PEG3: variants seen among roughly 807,000 people sequenced by gnomAD.
PEG3 encodes the protein paternally expressed 3.
PEG3 carries 23 observed loss-of-function variants against 35.5 expected under a neutral mutation model. The observed-to-expected ratio is 0.65, with a 90% confidence interval of 0.47 to 0.92. PEG3 has a LOEUF of 0.92. Ranked by LOEUF, PEG3 falls within the 40% of genes least tolerant of loss-of-function variation. The pLI, the probability that PEG3 is intolerant of heterozygous loss-of-function variation, is 0.00. For missense variants in PEG3, 1,960 were observed against 1,985.3 expected (o/e 0.99, Z 0.24); for synonymous variants, 707 against 697.0 (o/e 1.01, Z -0.23).
At chr19:56,823,787 T>A (rs2060741767) in intron 4 of PEG3, 108 bp from the exon 5 acceptor site, 2 of 1,299,216 alleles carry the variant, frequency 1.5e-6, no homozygotes, top group Non-Finnish European at 2.2e-6. Context: ...ATGGTTGGAA[T>A]GACCTGATCC....
In PEG3 at chr19:56,816,360, G is replaced by T. The variant is rs750646928; in HGVS notation, c.2082C>A (p.Phe694Leu). 5.6e-6 allele frequency: 9 copies of T among 1,614,040 alleles called. No homozygotes were observed. The highest frequency in any genetic ancestry group is 7.6e-6 in the Non-Finnish European group (9 of 1,180,026). ...LCDFTDGRDA[F>L]MQSSELSEHQ... ...GCTCACTGAGCTCTGAGCTTTGCAT[G>T]AAGGCATCCCGGCCATCTGTAAAGT... The change falls in exon 10 of 10, where the codon TTC (phenylalanine) becomes TTA (leucine). Residue 694 changes from phenylalanine (F) to leucine (L), a missense_variant. By Grantham distance (22) the Phe-to-Leu change is conservative. Transcript: ENST00000326441.
At chr19:56,831,491 T>A (rs1049541866) in intron 2 of PEG3, among the ~76,000 whole-genome samples, 5 of 152,248 alleles carry the variant, frequency 3.3e-5, no homozygotes, top group Non-Finnish European at 5.9e-5. Context: ...TAACCACTGC[T>A]GGCATGGAGC....
At position 56,839,336 on chromosome 19, in the gene PEG3, G is replaced by A. The variant is rs1475407180; in HGVS notation, c.-250+1246C>T. Among the ~76,000 whole-genome samples, 5 of 151,408 alleles carry A rather than the reference G, an allele frequency of 3.3e-5. No homozygotes were observed. The East Asian group carries it at 9.8e-4, about 30-fold the overall frequency. ...AATGCTACACAGTCACTTCAGCCTTGCCCCGCCCCCTCTGCTACCAACCAA... is the reference window on the plus strand; with the variant it reads ...AATGCTACACAGTCACTTCAGCCTTACCCCGCCCCCTCTGCTACCAACCAA... On this transcript the variant is annotated intron_variant, in intron 1 of 9. Transcript: ENST00000326441.
At position 56,812,933 on chromosome 19, in the gene PEG3, T is replaced by C; in HGVS notation, c.*742A>G. Reference sequence around the variant, plus strand: ...GGGTCACAAAAAGCCAATCCGTATATTGTAAAGCCTTACACAGTATTAGGT... The same window carrying C: ...GGGTCACAAAAAGCCAATCCGTATACTGTAAAGCCTTACACAGTATTAGGT... On this transcript the variant is annotated 3_prime_UTR_variant, in exon 10 of 10. Transcript: ENST00000326441. The C allele has an allele frequency of 6.1e-6, 6 of 985,798 alleles. No individual in the cohort carries two copies. The highest frequency in any genetic ancestry group is 7.2e-6 in the Non-Finnish European group (6 of 829,902). 61.1% of individuals were successfully genotyped at this position (985,798 alleles called of 1,614,324 possible). A position where few individuals can be genotyped will look rare whatever the true frequency, so the allele number is the denominator to read the frequency against.
chr19:56,828,260 G>C (rs2061251524), intron 2 of PEG3, among the ~76,000 whole-genome samples: 1 of 152,100 alleles, frequency 6.6e-6, no homozygotes, highest in African/African-American at 2.4e-5. Flanking sequence ...AGTCAATTTA[G>C]AAAACCCTAA....
intron 7 of PEG3, among the ~76,000 whole-genome samples, chr19:56,819,913 A>G (rs528187307): frequency 6.6e-6 from 1 of 152,320 alleles, no homozygotes; most frequent in South Asian, 2.1e-4. Flanking sequence ...ATCTGGGTTT[A>G]AGAGGGAAGC....
intron 5 of PEG3, among the ~76,000 whole-genome samples, chr19:56,823,083 A>G (rs1184901443): frequency 6.6e-6 from 1 of 152,218 alleles, no homozygotes; most frequent in Non-Finnish European, 1.5e-5. Flanking sequence ...TCAGTCCAGT[A>G]GCTAACCCCC....
Position 56,817,216 on chromosome 19 carries a change from C to G in PEG3, c.1226G>C (p.Gly409Ala), listed in dbSNP as rs771285425. 47 of 1,614,066 alleles carry G rather than the reference C, an allele frequency of 2.9e-5. No homozygotes were observed. The highest frequency in any genetic ancestry group is 3.7e-5 in the Non-Finnish European group (44 of 1,180,028). ...TTCAAAGGGCTTCTTCCTGGGACAG[C>G]CTTTTTGATCGTGAATCGAGCCCTT... is the stretch of plus-strand genomic sequence containing the variant. Reference protein sequence around the residue: ...DGKGSIHDQKGCPRKKPFECG... With the variant: ...DGKGSIHDQKACPRKKPFECG... Residue 409 changes from glycine (G) to alanine (A), a missense_variant, in exon 10 of 10, where the codon GGC (glycine) becomes GCC (alanine). Gly to Ala is a moderately conservative substitution (Grantham distance 60, BLOSUM62 0). Around this residue, in one of 5 missense-constraint regions of PEG3, gnomAD observed 613 missense variants for 577.1 expected, o/e 1.06. Transcript: ENST00000326441.
chr19:56,829,271 G>A (rs1276255686), intron 2 of PEG3, among the ~76,000 whole-genome samples: 1 of 151,058 alleles, frequency 6.6e-6, no homozygotes, highest in Non-Finnish European at 1.5e-5. Flanking sequence ...TTGGACCCAG[G>A]AGGCAGAGGT....
At chr19:56,835,448 A>G (rs2061996138) in intron 2 of PEG3, among the ~76,000 whole-genome samples, 1 of 152,082 alleles carries the variant, frequency 6.6e-6, no homozygotes, top group Non-Finnish European at 1.5e-5. Context: ...CTCTGCTGAG[A>G]CTACTCTCCC....
chr19:56,840,203 G>A lies in PEG3; in HGVS notation c.-250+379C>T, dbSNP rs527946455. ...GTGTCGACCTTGCTGGACTTGCCGT[G>A]GCAGAGCCCCCGGCTGTCTGCCCTA... On this transcript the variant is annotated intron_variant, in intron 1 of 9. Coordinates refer to ENST00000326441, the MANE Select transcript of PEG3 (RefSeq NM_006210.3). 2.6e-5 allele frequency among the ~76,000 whole-genome samples: 4 copies of A among 152,184 alleles called. No homozygotes were observed. In the South Asian group the frequency reaches 8.3e-4, roughly 31 times the overall value.
chr19:56,811,243 T>C lies in PEG3; in HGVS notation c.*2432A>G. 2.1e-6 allele frequency: 2 copies of C among 960,972 alleles called. No homozygotes were observed. The highest frequency in any genetic ancestry group is 2.5e-6 in the Non-Finnish European group (2 of 807,744). The allele number at this position is 960,972 out of a possible 1,614,324, so 59.5% of individuals were successfully genotyped here. A position where few individuals can be genotyped will look rare whatever the true frequency, so the allele number is the denominator to read the frequency against. ...AATTTAAGAAAATAATGCTCAACTA[T>C]AAGCCTACAACAACAACACCACAAC... On this transcript the variant is annotated 3_prime_UTR_variant, in exon 10 of 10. Transcript: ENST00000326441.
chr19:56,837,131 A>G (rs992612416), intron 1 of PEG3, among the ~76,000 whole-genome samples: 1 of 152,074 alleles, frequency 6.6e-6, no homozygotes, highest in Admixed American at 6.5e-5. Flanking sequence ...ACTCCGTAGG[A>G]GAGCTAGGGC....
intron 1 of PEG3, among the ~76,000 whole-genome samples, chr19:56,840,236 C>T (rs546442236): frequency 3.2e-4 from 48 of 152,336 alleles, no homozygotes; most frequent in East Asian, 7.7e-4. Flanking sequence ...CTAATGCCCC[C>T]GGTTTGCTGC....
chr19:56,826,792 T>C (rs547228386), intron 2 of PEG3, among the ~76,000 whole-genome samples: 1 of 152,326 alleles, frequency 6.6e-6, no homozygotes, highest in African/African-American at 2.4e-5. Flanking sequence ...GCAGTTCTAC[T>C]CAATTACAAT....
At chr19:56,818,783 G>T in intron 7 of PEG3, 81 bp from the exon 8 acceptor site, 2 of 1,489,584 alleles carry the variant, frequency 1.3e-6, no homozygotes, top group Non-Finnish European at 1.9e-6. Flanking sequence ...CAACATGGGA[G>T]TTACATATAT....
At position 56,822,741 on chromosome 19, in the gene PEG3, G is replaced by T. The variant is rs1382128119; in HGVS notation, c.565+12C>A. The T allele has an allele frequency of 3.7e-6, 6 of 1,613,696 alleles. No individual in the cohort carries two copies. Among genetic ancestry groups the T allele is most frequent in the Admixed American group, 3.3e-5 (2 of 59,974 alleles). On this transcript the variant is annotated intron_variant, in intron 6 of 9. Coordinates refer to ENST00000326441, the MANE Select transcript of PEG3 (RefSeq NM_006210.3). ...ATATCTCCTACTGGGAAAGAAAGTG[G>T]TTAAGACTCACTGCTTCTTGGGTTC...
At chr19:56,822,093 CAG>C (rs1445432850) in intron 6 of PEG3, among the ~76,000 whole-genome samples, 1 of 152,188 alleles carries the variant, frequency 6.6e-6, no homozygotes, top group Non-Finnish European at 1.5e-5. Flanking sequence ...CAATGTGTGA[CAG>C]GGAGATGGCA....
chr19:56,831,395 C>T (rs573629887), intron 2 of PEG3, among the ~76,000 whole-genome samples: 3 of 152,168 alleles, frequency 2.0e-5, no homozygotes, highest in Non-Finnish European at 4.4e-5. Flanking sequence ...AAGGCCATGA[C>T]AGGACCGCTA....
Sources: gnomAD v4.1 joint callset for allele counts (sites outside exome capture counted in the v4.1 genomes callset) on GRCh38, gnomAD v4.1.1 for gene constraint, gnomAD v4.1.1 regional missense constraint, MANE v1.5 for transcripts, NCBI Gene and HGNC (gene_info 2026-07-23, HGNC 2026-07-21) for gene names.